The following MYH13 variants were observed in gnomAD, a reference collection of about 807,000 sequenced individuals.
MYH13 encodes the protein myosin heavy chain 13.
In MYH13, 177 loss-of-function variants were observed where a neutral mutation model predicts 232.1. The ratio of observed to expected loss-of-function variants is 0.76; its 90% CI spans 0.67 to 0.86. The LOEUF (loss-of-function observed/expected upper bound fraction) is 0.86, where lower values mean the gene tolerates loss of function less well. Among genes scored for constraint, MYH13 ranks in the 40% least tolerant of loss-of-function variants. The pLI is 0.00. For missense variants in MYH13, 2,246 were observed against 2,405.9 expected (o/e 0.93, Z 1.39); for synonymous variants, 884 against 923.5 (o/e 0.96, Z 0.78).
chr17:10,306,974 TC>T lies in MYH13; in HGVS notation c.5259del (p.Asn1754ThrfsTer15). On this transcript the variant is annotated frameshift_variant, in exon 36 of 41. Coordinates refer to ENST00000252172, the MANE Select transcript of MYH13 (RefSeq NM_003802.3). LOFTEE classifies it high-confidence loss of function. This position sits in a 1 kb window ranked among gnomAD's most constrained non-coding sequence, Gnocchi z 4.3. Reference sequence around the variant, plus strand: ...GCCTTCTTGGCCTTCTCCTCTGCGTTCCTGGACTCCTGGATCGAGTTCTCCA... The same window carrying T: ...GCCTTCTTGGCCTTCTCCTCTGCGTTCTGGACTCCTGGATCGAGTTCTCCA... ...AEVENSIQESRNAEEKAKKAI... is the reference protein window; with the variant it reads ...AEVENSIQESXNAEEKAKKAI... 1 of 1,614,020 alleles carries T rather than the reference TC, an allele frequency of 6.2e-7. No individual in the cohort carries two copies. Among genetic ancestry groups the T allele is most frequent in the South Asian group, 1.1e-5 (1 of 91,082 alleles).
chr17:10,333,297 T>C (rs1010049114), intron 18 of MYH13, 106 bp from the exon 19 acceptor site: 3 of 797,020 alleles, frequency 3.8e-6, no homozygotes, highest in Non-Finnish European at 6.2e-6. Flanking sequence ...AGTGGGAGAG[T>C]CAGTGAGTGG....
intron 18 of MYH13, among the ~76,000 whole-genome samples, chr17:10,335,507 C>G (rs2071566414): frequency 6.6e-6 from 1 of 152,142 alleles, no homozygotes; most frequent in Non-Finnish European, 1.5e-5. Context: ...AATCCCAGCA[C>G]TTTGGGAGGC....
In MYH13 at chr17:10,315,760, G is replaced by T. The variant is rs762689271; in HGVS notation, c.3917C>A (p.Thr1306Asn). ...CTGGGTGAGGGCCTGCTTGCTTTTGGTCAGCTGTGAAATCAGAGACTCCTT... is the reference window on the plus strand; with the variant it reads ...CTGGGTGAGGGCCTGCTTGCTTTTGTTCAGCTGTGAAATCAGAGACTCCTT... ...EEKESLISQL[T>N]KSKQALTQQL... Residue 1306 changes from threonine to asparagine, a missense_variant, in exon 29 of 41, where the codon ACC becomes AAC. Transcript: ENST00000252172. 3 of 1,613,890 alleles carry T rather than the reference G, an allele frequency of 1.9e-6. No homozygotes were observed. In the Admixed American group the frequency reaches 5.0e-5, roughly 27 times the overall value.
At chr17:10,320,040 CTAGCTT>C (rs1906875046) in intron 26 of MYH13, 107 bp downstream of exon 26, 1 of 777,428 alleles carries the variant, frequency 1.3e-6, no homozygotes, top group African/African-American at 1.8e-5. Context: ...GACATCTTCT[CTAGCTT>C]TAGCAGGAGG....
chr17:10,346,121 T>C (rs2071665070), intron 13 of MYH13, among the ~76,000 whole-genome samples: 1 of 152,186 alleles, frequency 6.6e-6, no homozygotes, highest in African/African-American at 2.4e-5. Context: ...GTTGTTCACC[T>C]TTCTTTGAGA....
At chr17:10,358,204 T>C (rs1338923650) in intron 7 of MYH13, among the ~76,000 whole-genome samples, 2 of 152,160 alleles carry the variant, frequency 1.3e-5, no homozygotes, top group East Asian at 3.8e-4. Flanking sequence ...GATATTTGTC[T>C]TCAGAAGGAG....
In MYH13 at chr17:10,313,253, C is replaced by T; in HGVS notation, c.4086G>A (p.Gln1362=). 2 of 1,614,236 alleles carry T rather than the reference C, an allele frequency of 1.2e-6. No individual in the cohort carries two copies. The highest frequency in any genetic ancestry group is 2.2e-5 in the South Asian group (2 of 91,088). The change falls in exon 30 of 41, where the codon CAG becomes CAA. Residue 1362 remains glutamine, a synonymous_variant. Transcript: ENST00000252172. ...EEEQEAKAEL[Q]RALSKANSEV... Reference sequence around the variant, plus strand: ...CACTGTTGGCCTTGGACAGCGCCCTCTGCAGCTCGGCCTTGGCTTCCTGCT... The same window carrying T: ...CACTGTTGGCCTTGGACAGCGCCCTTTGCAGCTCGGCCTTGGCTTCCTGCT...
intron 22 of MYH13, among the ~76,000 whole-genome samples, chr17:10,327,612 C>G (rs181502822): frequency 6.6e-6 from 1 of 152,232 alleles, no homozygotes; most frequent in East Asian, 1.9e-4. Flanking sequence ...CAAAATATAT[C>G]TAACTCTGCG....
Position 10,318,913 on chromosome 17 carries a change from G to A in MYH13, c.3615C>T (p.Ala1205=), listed in dbSNP as rs146168219. The A allele has an allele frequency of 1.1e-3, 1,837 of 1,614,088 alleles. 28 individuals carry two copies. The East Asian group carries it at 0.033, about 29-fold the overall frequency. ...GGTTGTCAATCTGCTCCCCAAGCTC[G>A]GCCACACTATCTGCTTGCTTCTTCC... ...TLRKKQADSV[A]ELGEQIDNLQ... is the part of the protein sequence containing the mutation. Residue 1205 remains alanine (A), a synonymous_variant, in exon 27 of 41, where the codon GCC becomes GCT. Coordinates refer to ENST00000252172, the MANE Select transcript of MYH13 (RefSeq NM_003802.3).
chr17:10,318,117 C>T (rs1207334613), intron 27 of MYH13, among the ~76,000 whole-genome samples: 1 of 152,140 alleles, frequency 6.6e-6, no homozygotes, highest in Non-Finnish European at 1.5e-5. Flanking sequence ...TGGCGTGTGC[C>T]TGTAATCCCA....
chr17:10,346,578 G>T, intron 13 of MYH13, 102 bp downstream of exon 13: 5 of 878,822 alleles, frequency 5.7e-6, no homozygotes, highest in Non-Finnish European at 8.7e-6. Flanking sequence ...TGTGAAAGCT[G>T]ATTTCATGTG....
At chr17:10,335,514 A>C (rs1452660578) in intron 18 of MYH13, among the ~76,000 whole-genome samples, 1 of 152,180 alleles carries the variant, frequency 6.6e-6, no homozygotes, top group Admixed American at 6.5e-5. Context: ...GCACTTTGGG[A>C]GGCCGAGGTG....
Position 10,303,308 on chromosome 17 carries a change from C to T in MYH13, c.5572-17G>A, listed in dbSNP as rs144305118. 18 of 1,613,448 alleles carry T rather than the reference C, an allele frequency of 1.1e-5. No homozygotes were observed. Among genetic ancestry groups the T allele is most frequent in the Admixed American group, 5.0e-5 (3 of 59,992 alleles). On this transcript the variant is annotated splice_polypyrimidine_tract_variant and intron_variant, in intron 38 of 40. Transcript: ENST00000252172. Reference sequence around the variant, plus strand: ...CTCCTCAGCCTGCAAACAGAGTACACGTGGCAGGGGCCCGCAAACCTATGG... The same window carrying T: ...CTCCTCAGCCTGCAAACAGAGTACATGTGGCAGGGGCCCGCAAACCTATGG...
chr17:10,369,636 C>T (rs903407992), intron 2 of MYH13, among the ~76,000 whole-genome samples: 10 of 152,124 alleles, frequency 6.6e-5, no homozygotes, highest in Admixed American at 1.3e-4. Context: ...TATTTTTAGT[C>T]CTCCTGGAAA....
At chr17:10,338,697 T>TG (rs1222861689) in intron 18 of MYH13, among the ~76,000 whole-genome samples, 51 of 121,004 alleles carry the variant, frequency 4.2e-4, no homozygotes, top group East Asian at 2.8e-3. Context: ...TTGTTTTTTT[T>TG]TTTTTTTTGT....
At chr17:10,330,313 A>G in intron 21 of MYH13, 74 bp downstream of exon 21, 1 of 1,575,802 alleles carries the variant, frequency 6.3e-7, no homozygotes, top group South Asian at 1.2e-5. Flanking sequence ...AAATCCCAAG[A>G]CTAAAAGCAG....
intron 24 of MYH13, 64 bp downstream of exon 24, chr17:10,321,468 A>T (rs1482788187): frequency 4.0e-6 from 6 of 1,491,208 alleles, no homozygotes; most frequent in Non-Finnish European, 4.6e-6. Flanking sequence ...TCCTAGTTAG[A>T]CTGTCTCTTG....
At chr17:10,370,241 C>T (rs933907673) in intron 2 of MYH13, among the ~76,000 whole-genome samples, 2 of 152,248 alleles carry the variant, frequency 1.3e-5, no homozygotes, top group African/African-American at 4.8e-5. Context: ...AGCAAAGCCC[C>T]TCAATCCTCT....
In MYH13 at chr17:10,352,815, A is replaced by G. The variant is rs375156339; in HGVS notation, c.1005+1865T>C. 2.6e-3 allele frequency among the ~76,000 whole-genome samples: 394 copies of G among 152,306 alleles called. 1 individual carries two copies. Among genetic ancestry groups the G allele is most frequent in the African/African-American group, 9.1e-3 (379 of 41,538 alleles). ...TGGGGAAACCTCATTAAAAATATAT[A>G]ACAACTTAAATTAAATTTGGTCTAA... On this transcript the variant is annotated intron_variant, in intron 11 of 40. Transcript: ENST00000252172.
Sources: allele counts gnomAD v4.1 joint callset (sites outside exome capture counted in the v4.1 genomes callset), GRCh38; gene constraint gnomAD v4.1.1; non-coding constraint Gnocchi (gnomAD v3.1); transcripts MANE v1.5; gene names NCBI Gene and HGNC (gene_info 2026-07-23, HGNC 2026-07-21).